Variants in INF2 observed in about 807,000 individuals in gnomAD.
INF2 encodes inverted formin-2.
Under a neutral mutation model 123.5 loss-of-function variants are expected in INF2, and 43 were observed. That is an observed-to-expected ratio of 0.35 (90% CI 0.27 to 0.45). INF2 has a LOEUF of 0.45. Ranked by LOEUF, INF2 falls within the 20% of genes least tolerant of loss-of-function variation. The probability of loss-of-function intolerance (pLI) is 1.00; values close to 1 mark genes in which losing one functional copy is unlikely to be tolerated. For synonymous variants in INF2, 851 were observed against 745.0 expected, an observed-to-expected ratio of 1.14 and a Z score of -2.32; for missense variants, 1,453 against 1,682.7, an observed-to-expected ratio of 0.86 and a Z score of 2.39.
In INF2 at chr14:104,707,316, C is replaced by G. The variant is rs146529868; in HGVS notation, c.1049C>G (p.Pro350Arg). The change falls in exon 8 of 23, where the codon CCG becomes CGG. Residue 350 changes from proline to arginine, a missense_variant. Coordinates refer to ENST00000392634, the MANE Select transcript of INF2 (RefSeq NM_022489.4). ...RLLSVKGRPR[P>R]SPLVKAHKSV... ...CTGTCTGTCAAGGGGCGACCCAGAC[C>G]GAGCCCCCTGGTCAAGGCCCATAAA... 1.9e-6 allele frequency: 3 copies of G among 1,606,184 alleles called. No homozygotes were observed. In the South Asian group the frequency reaches 3.3e-5, roughly 18 times the overall value.
intron 1 of INF2, among the ~76,000 whole-genome samples, chr14:104,693,132 GC>G (rs1889031610): frequency 1.3e-5 from 2 of 152,252 alleles, no homozygotes; most frequent in African/African-American, 4.8e-5. Context: ...ATGGGAAGAT[GC>G]TGCCAAGGCC....
chr14:104,713,838 G>A (rs570602178), intron 20 of INF2, among the ~76,000 whole-genome samples: 1 of 152,328 alleles, frequency 6.6e-6, no homozygotes, highest in South Asian at 2.1e-4. Flanking sequence ...CCTCAGTGCT[G>A]AAGCAGCAGT....
In INF2 at chr14:104,718,956, T is replaced by A; in HGVS notation, c.*163T>A. ...GGGCCCTCCTGGAGCCTTCTTGGGGTGTTGTGGCTGGGAACCCGACAGGCA... is the reference window on the plus strand; with the variant it reads ...GGGCCCTCCTGGAGCCTTCTTGGGGAGTTGTGGCTGGGAACCCGACAGGCA... On this transcript the variant is annotated 3_prime_UTR_variant, in exon 23 of 23. Transcript: ENST00000392634. 6 of 1,420,242 alleles carry A rather than the reference T, an allele frequency of 4.2e-6. No individual in the cohort carries two copies. 88.0% of individuals were successfully genotyped at this position (1,420,242 alleles called of 1,614,324 possible).
At chr14:104,715,808 G>A (rs1890271838) in intron 22 of INF2, 2 of 463,654 alleles carry the variant, frequency 4.3e-6, no homozygotes, top group South Asian at 1.5e-5. Context: ...TCAATGGCGT[G>A]GGGCCTTCTG....
chr14:104,704,312 G>C, intron 5 of INF2: 1 of 577,062 alleles, frequency 1.7e-6, no homozygotes, highest in Non-Finnish European at 2.7e-6. Context: ...GTGGACGCAA[G>C]ATGGAGACAG....
chr14:104,691,589 G>A (rs905654299), intron 1 of INF2, among the ~76,000 whole-genome samples: 7 of 152,210 alleles, frequency 4.6e-5, no homozygotes, highest in African/African-American at 1.7e-4. Flanking sequence ...CAGGATGGTG[G>A]ACGGGAAGGC....
At chr14:104,709,040 T>C (rs1246060640) in intron 10 of INF2, among the ~76,000 whole-genome samples, 1 of 152,134 alleles carries the variant, frequency 6.6e-6, no homozygotes, top group African/African-American at 2.4e-5. Flanking sequence ...CCGAGGGAGC[T>C]GGCTGGACCC....
rs773591716 is a variant in INF2 at position 104,708,018 on chromosome 14, C to T, written c.1735+16C>T. The T allele has an allele frequency of 5.0e-6, 8 of 1,598,110 alleles. No homozygotes were observed. The highest frequency in any genetic ancestry group is 6.8e-6 in the Non-Finnish European group (8 of 1,179,694). On this transcript the variant is annotated intron_variant, in intron 8 of 22. Transcript: ENST00000392634. ...GTGGCACGTGGTGAGGGTCCCCAGACCCCCAAGGGAAGCTTCCCCTAGGAC... is the reference window on the plus strand; with the variant it reads ...GTGGCACGTGGTGAGGGTCCCCAGATCCCCAAGGGAAGCTTCCCCTAGGAC...
At chr14:104,717,934 C>G (rs1472485399) in intron 22 of INF2, among the ~76,000 whole-genome samples, 1 of 152,216 alleles carries the variant, frequency 6.6e-6, no homozygotes, top group Non-Finnish European at 1.5e-5. Context: ...TCCTTCACTG[C>G]CACTGCCGTG....
At chr14:104,712,623 G>T in intron 17 of INF2, 70 bp downstream of exon 17, 1 of 1,604,914 alleles carries the variant, frequency 6.2e-7, no homozygotes, top group Non-Finnish European at 8.5e-7. Flanking sequence ...GCGAGTGGCT[G>T]TGCTGTCTCC....
rs968288452 is a variant in INF2 at position 104,711,945 on chromosome 14, C to T, written c.2489+246C>T. Among the ~76,000 whole-genome samples, 2 of 152,224 alleles carry T rather than the reference C, an allele frequency of 1.3e-5. 1 individual carries two copies. Among genetic ancestry groups the T allele is most frequent in the Admixed American group, 1.3e-4 (2 of 15,290 alleles). On this transcript the variant is annotated intron_variant, in intron 16 of 22. Transcript: ENST00000392634. ...GCAAGGGCTGGCCAGGTCAGGGTCA[C>T]ACCACGGGCAGGTCTAATACAGCCC... is the stretch of plus-strand genomic sequence containing the variant.
In INF2 at chr14:104,714,688, G is replaced by A. The variant is rs371338527; in HGVS notation, c.3526G>A (p.Glu1176Lys). Residue 1176 changes from glutamate (E) to lysine (K), a missense_variant, in exon 21 of 23, where the codon GAG becomes AAG. By Grantham distance (56) the Glu-to-Lys change is moderately conservative (BLOSUM62 1). Around this residue, in one of 8 missense-constraint regions of INF2, gnomAD observed 344 missense variants for 333.1 expected, o/e 1.03. Transcript: ENST00000392634. Reference protein sequence around the residue: ...AGPGGDEDEDEEDTAPESALD... With the variant: ...AGPGGDEDEDKEDTAPESALD... ...CCCAGGTGGGGATGAGGACGAGGAC[G>A]AGGAGGACACGGCCCCAGAGTCCGC... 1.1e-5 allele frequency: 18 copies of A among 1,611,288 alleles called. No individual in the cohort carries two copies. Among genetic ancestry groups the A allele is most frequent in the Non-Finnish European group, 1.4e-5 (17 of 1,178,986 alleles).
intron 22 of INF2, among the ~76,000 whole-genome samples, chr14:104,717,275 G>T (rs1349322986): frequency 2.2e-5 from 3 of 136,690 alleles, no homozygotes; most frequent in African/African-American, 8.6e-5. Flanking sequence ...ACCGGGCAGG[G>T]TGCGCTGCCG....
rs1429481344 is a variant in INF2 at position 104,722,286 on chromosome 14, CA to C, written c.*3494del. ...TCCGGGCCTGGAGAAGTCAGTGAGTCACTAGCGTTCGCCTCTGCAGGGTCAG... is the reference window on the plus strand; with the variant it reads ...TCCGGGCCTGGAGAAGTCAGTGAGTCCTAGCGTTCGCCTCTGCAGGGTCAG... On this transcript the variant is annotated 3_prime_UTR_variant, in exon 23 of 23. Transcript: ENST00000392634. 2.6e-5 allele frequency: 4 copies of C among 152,286 alleles called. No homozygotes were observed. The highest frequency in any genetic ancestry group is 9.7e-5 in the African/African-American group (4 of 41,440). 9.4% of individuals were successfully genotyped at this position (152,286 alleles called of 1,614,324 possible).
intron 1 of INF2, among the ~76,000 whole-genome samples, chr14:104,694,767 G>T (rs972376063): frequency 6.6e-6 from 1 of 152,162 alleles, no homozygotes; most frequent in African/African-American, 2.4e-5. Flanking sequence ...TGTTCTCCCT[G>T]CTCCTGGGAA....
intron 22 of INF2, 94 bp from the exon 23 acceptor site, chr14:104,718,701 A>G (rs2140719528): frequency 1.3e-6 from 2 of 1,564,106 alleles, no homozygotes; most frequent in Non-Finnish European, 1.7e-6. Context: ...AGTGGCGATG[A>G]GGGGTTCAGG....
At chr14:104,711,368 T>C (rs1391375673) in intron 15 of INF2, among the ~76,000 whole-genome samples, 182 bp downstream of exon 15, 1 of 152,066 alleles carries the variant, frequency 6.6e-6, no homozygotes, top group East Asian at 1.9e-4. Context: ...CAGCACCCCT[T>C]CCTTCCTGCA....
intron 5 of INF2, chr14:104,704,347 TG>T (rs1889675959): frequency 5.2e-6 from 2 of 383,914 alleles, no homozygotes; most frequent in Admixed American, 8.5e-5. Context: ...GGGCGAGAGT[TG>T]AAAAACTACC....
upstream of INF2, among the ~76,000 whole-genome samples, chr14:104,685,186 T>C (rs1242366529): frequency 6.6e-6 from 1 of 152,182 alleles, no homozygotes; most frequent in Non-Finnish European, 1.5e-5. Flanking sequence ...GCTTCCTGCC[T>C]GACACAAGCC....
Sources: gnomAD v4.1 joint callset for allele counts (sites outside exome capture counted in the v4.1 genomes callset) on GRCh38, gnomAD v4.1.1 for gene constraint, gnomAD v4.1.1 regional missense constraint, MANE v1.5 for transcripts, NCBI Gene and HGNC (gene_info 2026-07-23, HGNC 2026-07-21) for gene names.